LRMDA: variants seen among roughly 807,000 people sequenced by gnomAD.
LRMDA encodes leucine-rich melanocyte differentiation-associated protein.
LRMDA carries 18 observed loss-of-function variants against 29.8 expected under a neutral mutation model. That is an observed-to-expected ratio of 0.60 (90% CI 0.42 to 0.90). The LOEUF is 0.90. LRMDA is among the 40% of genes least tolerant of loss of function. LRMDA has a pLI of 0.00. For missense variants in LRMDA, 273 were observed against 273.9 expected, an observed-to-expected ratio of 1.00 and a Z score of 0.02; for synonymous variants, 125 against 109.4, an observed-to-expected ratio of 1.14 and a Z score of -0.89.
At chr10:76,014,862 G>C (rs1847856131) in intron 2 of LRMDA, among the ~76,000 whole-genome samples, 1 of 152,204 alleles carries the variant, frequency 6.6e-6, no homozygotes, top group Admixed American at 6.5e-5. Context: ...GTGACCTAGA[G>C]TGGCCAACTA....
intron 2 of LRMDA, among the ~76,000 whole-genome samples, chr10:75,649,414 G>T (rs1388911968): frequency 6.6e-6 from 1 of 152,188 alleles, no homozygotes; most frequent in Non-Finnish European, 1.5e-5. Flanking sequence ...TGAGTGTACA[G>T]ATACCTCTTC....
chr10:76,341,107 TG>T (rs2132419903), intron 6 of LRMDA, among the ~76,000 whole-genome samples: 1 of 152,188 alleles, frequency 6.6e-6, no homozygotes, highest in Non-Finnish European at 1.5e-5. Flanking sequence ...AATAAAAGGA[TG>T]GACAAATGTG....
intron 2 of LRMDA, among the ~76,000 whole-genome samples, chr10:75,776,363 C>G (rs1344295644): frequency 6.6e-6 from 1 of 152,222 alleles, no homozygotes; most frequent in Non-Finnish European, 1.5e-5. Context: ...CCCTGATCCA[C>G]TCTCAGAAAC....
chr10:75,728,989 C>T (rs1185134287), intron 2 of LRMDA, among the ~76,000 whole-genome samples: 2 of 152,140 alleles, frequency 1.3e-5, no homozygotes, highest in South Asian at 2.1e-4. Flanking sequence ...CTATTAGCCT[C>T]CTGCTCATCA....
At chr10:75,666,596 A>C (rs1016443086) in intron 2 of LRMDA, among the ~76,000 whole-genome samples, 5 of 152,196 alleles carry the variant, frequency 3.3e-5, no homozygotes, top group Non-Finnish European at 5.9e-5. Context: ...ACAAAAGCTA[A>C]TTCAAATGAA....
At chr10:75,477,512 G>T (rs1589154907) in intron 2 of LRMDA, among the ~76,000 whole-genome samples, 2 of 152,122 alleles carry the variant, frequency 1.3e-5, no homozygotes, top group Admixed American at 6.5e-5. Context: ...CATGTTCAAG[G>T]CTCACTCTGA....
At chr10:75,433,546 G>T (rs1249393466) in intron 1 of LRMDA, among the ~76,000 whole-genome samples, 1 of 151,832 alleles carries the variant, frequency 6.6e-6, no homozygotes, top group Admixed American at 6.6e-5. Context: ...TGGTTTTTTT[G>T]TTTGTTTGTT....
At chr10:76,020,477 C>G (rs2132490479) in intron 2 of LRMDA, among the ~76,000 whole-genome samples, 1 of 152,302 alleles carries the variant, frequency 6.6e-6, no homozygotes, top group African/African-American at 2.4e-5. Flanking sequence ...CAAGCACTTT[C>G]CCAAGCTTCC....
intron 2 of LRMDA, among the ~76,000 whole-genome samples, chr10:75,809,700 C>T (rs1340596834): frequency 6.6e-6 from 1 of 151,992 alleles, no homozygotes; most frequent in Non-Finnish European, 1.5e-5. Flanking sequence ...ACTTCATGTT[C>T]CAGTGGGAAG....
intron 6 of LRMDA, among the ~76,000 whole-genome samples, chr10:76,450,446 G>C (rs1842394646): frequency 1.3e-5 from 2 of 152,036 alleles, no homozygotes; most frequent in East Asian, 1.9e-4. Context: ...CATTTCATTT[G>C]GTTCTCACTA....
At chr10:76,355,780 C>A (rs773919420) in intron 6 of LRMDA, among the ~76,000 whole-genome samples, 1 of 152,070 alleles carries the variant, frequency 6.6e-6, no homozygotes, top group Admixed American at 6.6e-5. Context: ...AAGAAAGGGA[C>A]GTTGAATTAG....
intron 5 of LRMDA, among the ~76,000 whole-genome samples, chr10:76,238,478 G>A (rs1459504090): frequency 9.8e-5 from 7 of 71,748 alleles, no homozygotes; most frequent in East Asian, 3.3e-4. Context: ...GGACCCCCCC[G>A]CCCTCCCATC....
At chr10:76,263,948 A>AACTCATTCG (rs994513724) in intron 5 of LRMDA, among the ~76,000 whole-genome samples, 1 of 152,212 alleles carries the variant, frequency 6.6e-6, no homozygotes, top group African/African-American at 2.4e-5. Context: ...CTGTCATCAT[A>AACTCATTCG]ACTCATTCGT....
At chr10:76,026,439 G>A (rs1424143833) in intron 2 of LRMDA, among the ~76,000 whole-genome samples, 1 of 152,192 alleles carries the variant, frequency 6.6e-6, no homozygotes, top group Non-Finnish European at 1.5e-5. Context: ...GAGTGGAACA[G>A]CCTAAAATTC....
At chr10:76,367,189 A>G (rs910524737) in intron 6 of LRMDA, among the ~76,000 whole-genome samples, 6 of 152,156 alleles carry the variant, frequency 3.9e-5, no homozygotes, top group Admixed American at 2.6e-4. Flanking sequence ...ATCTATGTTC[A>G]TCAAGGATAT....
rs1310061914 is a variant in LRMDA at position 75,928,986 on chromosome 10, T to C, written c.132-107022T>C. ...GGGAAAGGATTACACGAATAAAACA[T>C]AGGTTGTCAAACCACCAGATTTGAT... On this transcript the variant is annotated intron_variant, in intron 2 of 6. Transcript: ENST00000611255. Among the ~76,000 whole-genome samples, 8 of 152,168 alleles carry C rather than the reference T, an allele frequency of 5.3e-5. No individual in the cohort carries two copies. The South Asian group carries it at 1.2e-3, about 24-fold the overall frequency.
intron 2 of LRMDA, among the ~76,000 whole-genome samples, chr10:75,994,875 A>T (rs568363440): frequency 1.3e-5 from 2 of 152,264 alleles, no homozygotes; most frequent in South Asian, 4.1e-4. Context: ...AATAACCCAT[A>T]ATTCTTCCTG....
At chr10:76,012,465 G>A (rs569262482) in intron 2 of LRMDA, among the ~76,000 whole-genome samples, 1 of 152,194 alleles carries the variant, frequency 6.6e-6, no homozygotes, top group South Asian at 2.1e-4. Flanking sequence ...TGTGTATCGG[G>A]GGTTGGGGGG....
intron 2 of LRMDA, among the ~76,000 whole-genome samples, chr10:75,511,054 T>C (rs960373569): frequency 2.6e-5 from 4 of 152,078 alleles, no homozygotes; most frequent in Non-Finnish European, 5.9e-5. Flanking sequence ...GGATTAAAAA[T>C]AGTGTATCAC....
Sources: gnomAD v4.1 joint callset for allele counts (sites outside exome capture counted in the v4.1 genomes callset) on GRCh38, gnomAD v4.1.1 for gene constraint, MANE v1.5 for transcripts, NCBI Gene and HGNC (gene_info 2026-07-23, HGNC 2026-07-21) for gene names.